The following NAV1 variants were observed in gnomAD, a reference collection of about 807,000 sequenced individuals.
NAV1 encodes the protein neuron navigator 1, also known as pore membrane and/or filament interacting like protein 3.
In NAV1, 18 loss-of-function variants were observed where a neutral mutation model predicts 175.2. The ratio of observed to expected loss-of-function variants is 0.10; its 90% confidence interval spans 0.07 to 0.15. The LOEUF is 0.15. Ranked by LOEUF, NAV1 falls within the 10% of genes least tolerant of loss-of-function variation. NAV1 has a pLI of 1.00. For synonymous variants in NAV1, 897 were observed against 978.7 expected (o/e 0.92, Z 1.56); for missense variants, 1,731 against 2,436.6 (o/e 0.71, Z 6.10).
intron 1 of NAV1, among the ~76,000 whole-genome samples, chr1:201,699,153 CCT>C (rs1671307495): frequency 6.6e-6 from 1 of 152,156 alleles, no homozygotes; most frequent in South Asian, 2.1e-4. Context: ...TCAAATTGCC[CCT>C]GTTTGCAGAT....
chr1:201,699,972 T>TA (rs1258809003), intron 1 of NAV1, among the ~76,000 whole-genome samples: 3 of 152,168 alleles, frequency 2.0e-5, no homozygotes, highest in Non-Finnish European at 4.4e-5. Flanking sequence ...ATGTTAGACC[T>TA]AAAACCATAA....
chr1:201,641,055 G>A (rs925355609), intron 2 of NAV1, among the ~76,000 whole-genome samples: 1 of 152,150 alleles, frequency 6.6e-6, no homozygotes, highest in African/African-American at 2.4e-5. Context: ...GGCCTCAAGC[G>A]GGGCCGGGGA....
Position 201,613,026 on chromosome 1 carries a change from G to A in NAV1, c.-32-9827G>A, listed in dbSNP as rs2819379. Reference sequence around the variant, plus strand: ...GATTTCCAGGGCGGAGGGAGGGTACGTGTCAGATGTTGTAAGAAAGCTTGG... The same window carrying A: ...GATTTCCAGGGCGGAGGGAGGGTACATGTCAGATGTTGTAAGAAAGCTTGG... On this transcript the variant is annotated intron_variant, in intron 2 of 33. Transcript: ENST00000685211. Among the ~76,000 whole-genome samples, 588 of 152,244 alleles carry A rather than the reference G, an allele frequency of 3.9e-3. 4 individuals are homozygous for A. The highest frequency in any genetic ancestry group is 0.013 in the African/African-American group (550 of 41,526).
At chr1:201,771,060 T>A (rs751516591) in intron 3 of NAV1, among the ~76,000 whole-genome samples, 49 of 152,070 alleles carry the variant, frequency 3.2e-4, no homozygotes, top group Non-Finnish European at 5.9e-4. Flanking sequence ...AGCTGGCAGC[T>A]GGGCTGGATG....
At chr1:201,670,781 G>A (rs920093392) in intron 1 of NAV1, among the ~76,000 whole-genome samples, 3 of 151,932 alleles carry the variant, frequency 2.0e-5, no homozygotes, top group Admixed American at 6.6e-5. Context: ...TTTGGTGTTG[G>A]TGGTAGAGAT....
At chr1:201,668,152 A>G (rs1309777018) in intron 1 of NAV1, among the ~76,000 whole-genome samples, 1 of 152,148 alleles carries the variant, frequency 6.6e-6, no homozygotes, top group African/African-American at 2.4e-5. Flanking sequence ...ATGAAGTCAT[A>G]TCTGCCAAAG....
rs1674056566 is a variant in NAV1 at position 201,750,803 on chromosome 1, G to A, written c.1227-29618G>A. Among the ~76,000 whole-genome samples the A allele has an allele frequency of 6.6e-6, 1 of 151,978 alleles. No individual in the cohort carries two copies. Among genetic ancestry groups the A allele is most frequent in the Non-Finnish European group, 1.5e-5 (1 of 67,980 alleles). On this transcript the variant is annotated intron_variant, in intron 3 of 29. Transcript: ENST00000367296. This position sits in a 1 kb window ranked among gnomAD's most constrained non-coding sequence, Gnocchi z 4.1. ...GCCTTTCTGAGATCGGAGGAGGCCT[G>A]GAGGGTGGGGTGAAGTTGTGAGGAC...
chr1:201,580,645 C>T (rs1184899735), intron 1 of NAV1, among the ~76,000 whole-genome samples: 3 of 152,022 alleles, frequency 2.0e-5, no homozygotes, highest in Admixed American at 2.0e-4. Flanking sequence ...TGGTGGCGCA[C>T]GCCTGTAATC....
chr1:201,696,382 C>T (rs754410334), intron 1 of NAV1, among the ~76,000 whole-genome samples: 14 of 152,212 alleles, frequency 9.2e-5, no homozygotes, highest in Admixed American at 2.0e-4. Flanking sequence ...GCCTGCCAGA[C>T]GCTCTAGGAA....
At chr1:201,646,187 C>T (rs1030144885), upstream of NAV1, among the ~76,000 whole-genome samples, 16 of 152,216 alleles carry the variant, frequency 1.1e-4, no homozygotes, top group Non-Finnish European at 2.2e-4. Context: ...TGATACCACT[C>T]ACATTCCTTT....
At chr1:201,573,337 G>A (rs1238533327) in intron 1 of NAV1, among the ~76,000 whole-genome samples, 2 of 152,184 alleles carry the variant, frequency 1.3e-5, no homozygotes, top group African/African-American at 2.4e-5. Context: ...GTGTGTGTGT[G>A]TGTGCACACC....
chr1:201,743,940 A>G (rs1369358079), intron 3 of NAV1, among the ~76,000 whole-genome samples: 1 of 152,152 alleles, frequency 6.6e-6, no homozygotes, highest in Non-Finnish European at 1.5e-5. Flanking sequence ...GCTGGAGTGC[A>G]ATGGCATGAT....
intron 1 of NAV1, among the ~76,000 whole-genome samples, chr1:201,711,654 C>T (rs1671913102): frequency 6.6e-6 from 1 of 152,206 alleles, no homozygotes; most frequent in South Asian, 2.1e-4. Flanking sequence ...GTTGTTTTGC[C>T]ATCATCTTTC....
intron 2 of NAV1, among the ~76,000 whole-genome samples, chr1:201,637,988 T>C (rs1668655380): frequency 6.6e-6 from 1 of 152,204 alleles, no homozygotes; most frequent in African/African-American, 2.4e-5. Context: ...TTTATTAGCC[T>C]GAGGAGCACA....
intron 28 of NAV1, among the ~76,000 whole-genome samples, chr1:201,815,976 G>A (rs1264364530): frequency 6.6e-6 from 1 of 152,058 alleles, no homozygotes. Flanking sequence ...AGCCTCAGGC[G>A]ATCTTCCCAC....
chr1:201,606,035 A>G (rs1308683361), intron 2 of NAV1, among the ~76,000 whole-genome samples: 1 of 152,238 alleles, frequency 6.6e-6, no homozygotes, highest in Non-Finnish European at 1.5e-5. Flanking sequence ...GCTTGTGTTC[A>G]CAATGGGGAC....
Position 201,807,577 on chromosome 1 carries a change from T to C in NAV1, c.3649-376T>C, listed in dbSNP as rs1678376018. ...CTCTCTGTCCCCATCAGGGGCACAA[T>C]TCCCCCTATGAGCAAGAGAACACCC... On this transcript the variant is annotated intron_variant, in intron 17 of 29. Transcript: ENST00000367296. This position sits in a 1 kb window ranked among gnomAD's most constrained non-coding sequence, Gnocchi z 5.4. 6.6e-6 allele frequency among the ~76,000 whole-genome samples: 1 copy of C among 152,206 alleles called. No homozygotes were observed. The highest frequency in any genetic ancestry group is 1.9e-4 in the East Asian group (1 of 5,200).
Position 201,782,494 on chromosome 1 carries a change from C to G in NAV1, c.1982C>G (p.Ala661Gly). 1 of 1,613,238 alleles carries G rather than the reference C, an allele frequency of 6.2e-7. No individual in the cohort carries two copies. The highest frequency in any genetic ancestry group is 8.5e-7 in the Non-Finnish European group (1 of 1,179,236). ...AACAGTGCAGAGCCAGGATTCCTGG[C>G]TCCTGGAGCCCGTTCTAACATCCAG... Residue 661 changes from alanine (A) to glycine (G), a missense_variant, in exon 6 of 30, where the codon GCT becomes GGT. Ala to Gly is a moderately conservative substitution (Grantham distance 60, BLOSUM62 0). This residue lies in a region of NAV1 where 634 missense variants were observed against 766.8 expected (regional missense o/e 0.83). Coordinates refer to ENST00000367296, the Ensembl canonical transcript of NAV1. This position sits in a 1 kb window ranked among gnomAD's most constrained non-coding sequence, Gnocchi z 5.4.
intron 1 of NAV1, among the ~76,000 whole-genome samples, chr1:201,578,756 G>A (rs562031133): frequency 8.5e-5 from 13 of 152,260 alleles, no homozygotes; most frequent in Admixed American, 2.6e-4. Flanking sequence ...TTCCTATGGC[G>A]TTTGGCTGGA....
Sources: allele counts gnomAD v4.1 joint callset (sites outside exome capture counted in the v4.1 genomes callset), GRCh38; gene constraint gnomAD v4.1.1; regional missense constraint gnomAD v4.1.1; non-coding constraint Gnocchi (gnomAD v3.1); transcripts MANE v1.5; gene names NCBI Gene and HGNC (gene_info 2026-07-23, HGNC 2026-07-21).